Variants in KLF12 observed in about 807,000 individuals in gnomAD.
KLF12 encodes KLF transcription factor 12, also known as Krueppel-like factor 12.
In KLF12, 9 loss-of-function variants were observed where a neutral mutation model predicts 37.8. The ratio of observed to expected loss-of-function variants is 0.24; its 90% confidence interval spans 0.14 to 0.42. The LOEUF (loss-of-function observed/expected upper bound fraction) is 0.42, where lower values mean the gene tolerates loss of function less well. Ranked by LOEUF, KLF12 falls within the 10% of genes least tolerant of loss-of-function variation. KLF12 has a pLI of 1.00. For missense variants in KLF12, 411 were observed against 516.0 expected (o/e 0.80, Z 1.97); for synonymous variants, 208 against 202.1 (o/e 1.03, Z -0.25).
intron 3 of KLF12, among the ~76,000 whole-genome samples, chr13:73,868,252 C>G (rs1437858821): frequency 8.7e-6 from 1 of 114,504 alleles, no homozygotes; most frequent in Non-Finnish European, 1.6e-5. Context: ...GTGCAGGTTG[C>G]GGTGAGCCGA....
intron 2 of KLF12, among the ~76,000 whole-genome samples, chr13:73,989,447 GAACA>G (rs1266768172): frequency 2.0e-5 from 3 of 152,194 alleles, no homozygotes; most frequent in Admixed American, 6.5e-5. Flanking sequence ...GTTGTTGAAA[GAACA>G]AACACACAGG....
intron 6 of KLF12, among the ~76,000 whole-genome samples, chr13:73,744,556 G>C (rs555447479): frequency 6.6e-6 from 1 of 151,976 alleles, no homozygotes; most frequent in African/African-American, 2.4e-5. Context: ...AGCTACCCAG[G>C]GGGTGGTCTA....
chr13:73,726,267 C>G (rs570156269), intron 6 of KLF12, among the ~76,000 whole-genome samples: 73 of 152,262 alleles, frequency 4.8e-4, no homozygotes, highest in African/African-American at 1.7e-3. Context: ...ATATTATGTT[C>G]CTTCTTTCTT....
At chr13:73,780,952 C>T (rs1230448470) in intron 5 of KLF12, among the ~76,000 whole-genome samples, 1 of 152,222 alleles carries the variant, frequency 6.6e-6, no homozygotes, top group Non-Finnish European at 1.5e-5. Flanking sequence ...TGCTATCAAA[C>T]AGCACTGCAT....
chr13:74,218,222 C>T, the KLF12 span, among the ~76,000 whole-genome samples: 1 of 152,160 alleles, frequency 6.6e-6, no homozygotes, highest in African/African-American at 2.4e-5. Flanking sequence ...GTAGTTTGGT[C>T]AGTCCCCATC....
chr13:73,792,046 C>CA (rs1881716485), intron 5 of KLF12, among the ~76,000 whole-genome samples: 1 of 152,156 alleles, frequency 6.6e-6, no homozygotes, highest in Non-Finnish European at 1.5e-5. Context: ...GTCATATAGA[C>CA]ACAGGCCAAG....
the KLF12 span, among the ~76,000 whole-genome samples, chr13:74,142,482 C>T: frequency 6.6e-6 from 1 of 152,160 alleles, no homozygotes; most frequent in African/African-American, 2.4e-5. Context: ...GTTTTCCTCC[C>T]AGTACAACTG....
intron 4 of KLF12, among the ~76,000 whole-genome samples, chr13:73,821,452 T>C (rs1446064168): frequency 1.3e-5 from 2 of 152,210 alleles, no homozygotes; most frequent in African/African-American, 4.8e-5. Flanking sequence ...GAGATCCTTT[T>C]CCCAGTGACC....
intron 5 of KLF12, among the ~76,000 whole-genome samples, chr13:73,793,568 T>C (rs565092244): frequency 6.6e-6 from 1 of 152,342 alleles, no homozygotes; most frequent in African/African-American, 2.4e-5. Context: ...TATGAATGCA[T>C]TTCCTGGATT....
At chr13:73,726,887 C>T (rs751295010) in intron 6 of KLF12, among the ~76,000 whole-genome samples, 2 of 152,156 alleles carry the variant, frequency 1.3e-5, no homozygotes, top group Non-Finnish European at 2.9e-5. Context: ...AGTGGTTGTA[C>T]CATTTTATAA....
At chr13:73,997,224 ACCTGTCTGTC>A (rs1445574011) in intron 1 of KLF12, among the ~76,000 whole-genome samples, 2 of 152,064 alleles carry the variant, frequency 1.3e-5, no homozygotes, top group East Asian at 3.9e-4. Context: ...AGTTGAGAAG[ACCTGTCTGTC>A]CCTAGTCTCA....
intron 5 of KLF12, among the ~76,000 whole-genome samples, chr13:73,805,508 T>G (rs1033919663): frequency 3.3e-5 from 5 of 151,460 alleles, no homozygotes; most frequent in Admixed American, 2.0e-4. Context: ...TCTCAGCTAC[T>G]TGAAGTCTAA....
the KLF12 span, among the ~76,000 whole-genome samples, chr13:74,218,830 C>A: frequency 6.6e-5 from 10 of 151,842 alleles, no homozygotes; most frequent in South Asian, 2.1e-4. Context: ...TTTTTCCAAT[C>A]AAAAATTATG....
chr13:74,083,806 T>C (rs1875084996), intron 1 of KLF12, among the ~76,000 whole-genome samples: 2 of 152,142 alleles, frequency 1.3e-5, no homozygotes. Context: ...GAAATAGAAG[T>C]CTAGGCAAAA....
In KLF12 at chr13:73,697,088, A is replaced by AACACACACACAC. The variant is rs10679066; in HGVS notation, c.1028-1429_1028-1418dup. On this transcript the variant is annotated intron_variant, in intron 7 of 7. Coordinates refer to ENST00000377669, the MANE Select transcript of KLF12 (RefSeq NM_007249.5). Reference sequence around the variant, plus strand: ...TACTTGAATGTATTAATACAACTGCAACACACACACACACACACACACACA... The same window carrying AACACACACACAC: ...TACTTGAATGTATTAATACAACTGCAACACACACACACACACACACACACACACACACACACA... Among the ~76,000 whole-genome samples, 1,219 of 149,648 alleles carry AACACACACACAC rather than the reference A, an allele frequency of 8.1e-3. 18 individuals carry two copies. The highest frequency in any genetic ancestry group is 0.027 in the African/African-American group (1,096 of 40,752).
intron 2 of KLF12, among the ~76,000 whole-genome samples, chr13:73,975,164 T>C (rs1443097137): frequency 1.3e-5 from 2 of 152,232 alleles, no homozygotes; most frequent in African/African-American, 2.4e-5. Context: ...GTTGTGCTTC[T>C]GCTTTTTTCA....
intron 4 of KLF12, among the ~76,000 whole-genome samples, chr13:73,832,105 C>T (rs1257085752): frequency 6.6e-6 from 1 of 152,152 alleles, no homozygotes; most frequent in Admixed American, 6.5e-5. Context: ...ACATAGAGTA[C>T]ATGTAATGTA....
the KLF12 span, among the ~76,000 whole-genome samples, chr13:74,205,203 G>A: frequency 1.3e-5 from 2 of 152,098 alleles, no homozygotes; most frequent in East Asian, 1.9e-4. Context: ...TTTGCTCAGC[G>A]TGGGGAGAAG....
chr13:73,938,203 A>C (rs1479417406), intron 3 of KLF12, among the ~76,000 whole-genome samples: 2 of 152,216 alleles, frequency 1.3e-5, no homozygotes, highest in Non-Finnish European at 2.9e-5. Flanking sequence ...TAAAGTCATT[A>C]AAGTAACACT....
Sources: gnomAD v4.1 joint callset for allele counts (sites outside exome capture counted in the v4.1 genomes callset) on GRCh38, gnomAD v4.1.1 for gene constraint, MANE v1.5 for transcripts, NCBI Gene and HGNC (gene_info 2026-07-23, HGNC 2026-07-21) for gene names.